Variants in MEIKIN observed in about 807,000 individuals in gnomAD.
MEIKIN encodes meiosis-specific kinetochore protein.
intron 9 of MEIKIN, among the ~76,000 whole-genome samples, chr5:131,876,034 T>TA (rs1436045000): frequency 1.3e-5 from 2 of 152,252 alleles, no homozygotes; most frequent in African/African-American, 4.8e-5. Flanking sequence ...CCTAAAGCCA[T>TA]AAAAACCCTA....
intron 10 of MEIKIN, among the ~76,000 whole-genome samples, chr5:131,853,577 T>C (rs1304214269): frequency 6.6e-6 from 1 of 152,186 alleles, no homozygotes; most frequent in Non-Finnish European, 1.5e-5. Context: ...AGGCAACCCA[T>C]GGAAGGGGGC....
intron 9 of MEIKIN, among the ~76,000 whole-genome samples, chr5:131,873,091 T>A (rs182168147): frequency 6.6e-6 from 1 of 152,152 alleles, no homozygotes; most frequent in African/African-American, 2.4e-5. Flanking sequence ...CTGCATCAAC[T>A]AACGAGCAAA....
At chr5:131,926,745 T>A (rs1445757603) in intron 5 of MEIKIN, among the ~76,000 whole-genome samples, 1 of 152,224 alleles carries the variant, frequency 6.6e-6, no homozygotes, top group Non-Finnish European at 1.5e-5. Flanking sequence ...TATTTCTTCA[T>A]GACATAGGTT....
chr5:131,853,788 TA>T (rs1181278414), intron 10 of MEIKIN, among the ~76,000 whole-genome samples: 2 of 152,070 alleles, frequency 1.3e-5, no homozygotes, highest in Non-Finnish European at 2.9e-5. Context: ...ATCAAAACCA[TA>T]ATGAGATACC....
intron 12 of MEIKIN, among the ~76,000 whole-genome samples, chr5:131,817,949 T>C (rs1200134567): frequency 6.6e-6 from 1 of 152,170 alleles, no homozygotes; most frequent in Non-Finnish European, 1.5e-5. Context: ...TGAGGGGAGA[T>C]GTTAAGCCTT....
intron 5 of MEIKIN, among the ~76,000 whole-genome samples, chr5:131,927,515 A>G (rs935263743): frequency 6.6e-6 from 1 of 152,130 alleles, no homozygotes; most frequent in Non-Finnish European, 1.5e-5. Context: ...CTGTTTGCTT[A>G]CCTGTTTTCT....
At chr5:131,860,611 A>AT (rs201743541) in intron 9 of MEIKIN, among the ~76,000 whole-genome samples, 21,391 of 81,346 alleles carry the variant, frequency 0.26, 3,974 homozygotes, top group African/African-American at 0.52. Flanking sequence ...TGCCAGGATA[A>AT]TTTTTTTTTT....
intron 8 of MEIKIN, among the ~76,000 whole-genome samples, chr5:131,895,768 C>T (rs1259275228): frequency 6.6e-6 from 1 of 151,818 alleles, no homozygotes; most frequent in Non-Finnish European, 1.5e-5. Context: ...CTATTTGATT[C>T]TTCTCTCTTT....
chr5:131,894,362 G>C (rs1321997725), intron 8 of MEIKIN, among the ~76,000 whole-genome samples: 1 of 152,172 alleles, frequency 6.6e-6, no homozygotes, highest in East Asian at 1.9e-4. Context: ...TTTTGGCTTA[G>C]GATTGACTTG....
intron 5 of MEIKIN, among the ~76,000 whole-genome samples, chr5:131,923,246 C>T (rs1421527339): frequency 6.6e-6 from 1 of 152,114 alleles, no homozygotes; most frequent in Non-Finnish European, 1.5e-5. Flanking sequence ...AAATCCATTC[C>T]ATTTATTCCA....
chr5:131,865,636 G>A (rs1234465020), intron 9 of MEIKIN, among the ~76,000 whole-genome samples: 2 of 152,098 alleles, frequency 1.3e-5, no homozygotes, highest in African/African-American at 2.4e-5. Context: ...TGTGCATCTG[G>A]TGTTACAGCT....
At chr5:131,868,413 A>G (rs774508180) in intron 9 of MEIKIN, among the ~76,000 whole-genome samples, 2 of 152,138 alleles carry the variant, frequency 1.3e-5, no homozygotes, top group African/African-American at 2.4e-5. Flanking sequence ...TGCAATTCCA[A>G]TTGCCTAATG....
intron 8 of MEIKIN, among the ~76,000 whole-genome samples, chr5:131,889,117 T>C (rs563394865): frequency 4.6e-5 from 7 of 152,160 alleles, no homozygotes; most frequent in Admixed American, 3.3e-4. Flanking sequence ...ACTGTAGCCT[T>C]GTAGTATAGT....
chr5:131,863,284 G>T (rs769838615), intron 9 of MEIKIN, among the ~76,000 whole-genome samples: 55 of 152,274 alleles, frequency 3.6e-4, no homozygotes, highest in Non-Finnish European at 6.6e-4. Context: ...TGGCTAAAAG[G>T]TTCTGTATAT....
At chr5:131,891,794 C>T (rs1390452046) in intron 8 of MEIKIN, among the ~76,000 whole-genome samples, 1 of 152,202 alleles carries the variant, frequency 6.6e-6, no homozygotes, top group Admixed American at 6.5e-5. Context: ...TTAGTTGATG[C>T]AGCATCTTCG....
chr5:131,921,619 C>T (rs752121686), intron 6 of MEIKIN, among the ~76,000 whole-genome samples: 6 of 148,914 alleles, frequency 4.0e-5, no homozygotes, highest in Admixed American at 6.7e-5. Flanking sequence ...ATCATGCCAC[C>T]GCACTCCAGC....
intron 8 of MEIKIN, among the ~76,000 whole-genome samples, chr5:131,885,316 C>G (rs1421430058): frequency 7.2e-6 from 1 of 138,300 alleles, no homozygotes; most frequent in Non-Finnish European, 1.5e-5. Context: ...TACCCCACCC[C>G]CAGCTGCAGG....
At chr5:131,900,308 A>C (rs1229859100) in intron 8 of MEIKIN, among the ~76,000 whole-genome samples, 1 of 152,176 alleles carries the variant, frequency 6.6e-6, no homozygotes, top group African/African-American at 2.4e-5. Flanking sequence ...GAGTGAAGGA[A>C]GACATAGATG....
chr5:131,903,978 C>A (rs542395853), intron 8 of MEIKIN, among the ~76,000 whole-genome samples: 29 of 149,320 alleles, frequency 1.9e-4, no homozygotes, highest in Admixed American at 1.9e-3. Context: ...AACAAAAAAA[C>A]AAAAAAATAA....
Sources: allele counts gnomAD v4.1 joint callset (sites outside exome capture counted in the v4.1 genomes callset), GRCh38; gene constraint gnomAD v4.1.1; transcripts MANE v1.5; gene names NCBI Gene and HGNC (gene_info 2026-07-23, HGNC 2026-07-21).